Variants in MINDY2 observed in about 807,000 individuals in gnomAD.
MINDY2 encodes MINDY lysine 48 deubiquitinase 2.
In MINDY2, 52 loss-of-function variants were observed where a neutral mutation model predicts 68.2. That is an observed-to-expected ratio of 0.76 (90% CI 0.61 to 0.96). The LOEUF (loss-of-function observed/expected upper bound fraction) is 0.96, where lower values mean the gene tolerates loss of function less well. Among genes scored for constraint, MINDY2 ranks in the 40% least tolerant of loss-of-function variants. MINDY2 has a pLI of 0.00. For synonymous variants in MINDY2, 372 were observed against 303.0 expected (o/e 1.23, Z -2.36); for missense variants, 881 against 773.4 (o/e 1.14, Z -1.65).
rs2031747214 is a variant in MINDY2 at position 58,831,907 on chromosome 15, C to A, written c.1359C>A (p.Thr453=). Residue 453 remains threonine (T), a synonymous_variant, in exon 6 of 9, where the codon ACC becomes ACA. Transcript: ENST00000559228. ...FFRNNHFSTM[T]KYKGQLYLLV... ...GGAATAATCATTTTAGCACCATGAC[C>A]AAATACAAGGTATGATATAGAAATA... is the stretch of plus-strand genomic sequence containing the variant. The A allele has an allele frequency of 6.2e-7, 1 of 1,611,406 alleles. No individual in the cohort carries two copies. Among genetic ancestry groups the A allele is most frequent in the Admixed American group, 1.7e-5 (1 of 59,538 alleles).
intron 7 of MINDY2, among the ~76,000 whole-genome samples, chr15:58,850,054 A>G (rs1257516181): frequency 6.6e-6 from 1 of 152,050 alleles, no homozygotes; most frequent in East Asian, 1.9e-4. Flanking sequence ...AAAACCATTT[A>G]CCCATCCTCT....
chr15:58,810,109 T>A, intron 3 of MINDY2, 121 bp from the exon 4 acceptor site: 1 of 898,728 alleles, frequency 1.1e-6, no homozygotes, highest in South Asian at 1.8e-5. Flanking sequence ...AATAAAAATA[T>A]GTTGAATTGA....
At chr15:58,799,472 C>T (rs1902499273) in intron 2 of MINDY2, among the ~76,000 whole-genome samples, 2 of 151,300 alleles carry the variant, frequency 1.3e-5, no homozygotes, top group African/African-American at 4.9e-5. Context: ...GAGGCTGAGG[C>T]TGAGGCTGAG....
At chr15:58,785,713 G>A (rs1302137066) in intron 1 of MINDY2, among the ~76,000 whole-genome samples, 2 of 152,018 alleles carry the variant, frequency 1.3e-5, no homozygotes, top group African/African-American at 4.8e-5. Context: ...GTCTCACTCT[G>A]TCACCCAGGC....
intron 8 of MINDY2, among the ~76,000 whole-genome samples, chr15:58,853,164 G>C (rs919389589): frequency 2.6e-5 from 4 of 151,462 alleles, no homozygotes. Context: ...TATTGGCCAG[G>C]CTGGTGTCAA....
rs1900361278 is a variant in MINDY2 at position 58,771,318 on chromosome 15, C to A, written c.-78C>A. On this transcript the variant is annotated 5_prime_UTR_variant, in exon 1 of 9. Transcript: ENST00000559228. Reference sequence around the variant, plus strand: ...CGCCAGGGCGCTGTTGCTGCCAATACAGCTGTCATGGCGTCCAAGGCGCTG... The same window carrying A: ...CGCCAGGGCGCTGTTGCTGCCAATAAAGCTGTCATGGCGTCCAAGGCGCTG... 1 of 1,533,950 alleles carries A rather than the reference C, an allele frequency of 6.5e-7. No individual in the cohort carries two copies. The highest frequency in any genetic ancestry group is 8.7e-7 in the Non-Finnish European group (1 of 1,143,498).
At chr15:58,825,038 G>A (rs1426756490) in intron 5 of MINDY2, among the ~76,000 whole-genome samples, 1 of 152,104 alleles carries the variant, frequency 6.6e-6, no homozygotes, top group South Asian at 2.1e-4. Flanking sequence ...TGTTTAGCCT[G>A]CAATTGTAGC....
At chr15:58,798,983 A>C (rs1214738254) in intron 2 of MINDY2, among the ~76,000 whole-genome samples, 2 of 152,192 alleles carry the variant, frequency 1.3e-5, no homozygotes, top group Non-Finnish European at 2.9e-5. Context: ...TTTAATAAGG[A>C]AAAGGAAAAA....
At position 58,772,059 on chromosome 15, in the gene MINDY2, G is replaced by T; in HGVS notation, c.664G>T (p.Glu222Ter). 6.2e-7 allele frequency: 1 copy of T among 1,611,276 alleles called. No homozygotes were observed. Among genetic ancestry groups the T allele is most frequent in the Non-Finnish European group, 8.5e-7 (1 of 1,178,410 alleles). ...GGCTGTTCCTCTGTGCAAGGAGGAGGAGGGGGAGGAGACCGCTCAGGTGCT... is the reference window on the plus strand; with the variant it reads ...GGCTGTTCCTCTGTGCAAGGAGGAGTAGGGGGAGGAGACCGCTCAGGTGCT... ...PGAVPLCKEE[E>*]GEETAQVLAA... The change falls in exon 1 of 9, where the codon GAG becomes TAG. Residue 222 changes from glutamate to a stop codon, truncating the protein, a stop_gained. Coordinates refer to ENST00000559228, the MANE Select transcript of MINDY2 (RefSeq NM_001040450.3). LOFTEE classifies it high-confidence loss of function.
chr15:58,847,146 C>T (rs1048073724), intron 6 of MINDY2, 151 bp from the exon 7 acceptor site: 2 of 510,432 alleles, frequency 3.9e-6, no homozygotes, highest in East Asian at 6.2e-5. Flanking sequence ...AGTAAAATAT[C>T]TACTTGGTCT....
chr15:58,800,149 C>G (rs563310174), intron 2 of MINDY2, among the ~76,000 whole-genome samples: 7 of 152,160 alleles, frequency 4.6e-5, no homozygotes, highest in Admixed American at 1.3e-4. Flanking sequence ...TATGCCAAGC[C>G]CTCTCTTCCA....
At chr15:58,794,641 G>A (rs1902163948) in intron 2 of MINDY2, among the ~76,000 whole-genome samples, 3 of 152,028 alleles carry the variant, frequency 2.0e-5, no homozygotes, top group African/African-American at 7.2e-5. Flanking sequence ...GGGAGAGAAT[G>A]ACAGGAGCAA....
intron 7 of MINDY2, 22 bp from the exon 8 acceptor site, chr15:58,851,749 T>G: frequency 2.0e-6 from 3 of 1,514,858 alleles, no homozygotes; most frequent in Non-Finnish European, 2.7e-6. Context: ...TAGCTAATGA[T>G]GGTTATAATT....
Position 58,859,679 on chromosome 15 carries a change from C to A in MINDY2, c.*5069C>A, listed in dbSNP as rs1487262696. On this transcript the variant is annotated 3_prime_UTR_variant, in exon 9 of 9. Transcript: ENST00000559228. ...ATAATGGCATGGGAGAGGCCAGATG[C>A]AGGACTCTGGTAAATTTAACTTACT... 5 of 152,094 alleles carry A rather than the reference C, an allele frequency of 3.3e-5. No homozygotes were observed. The highest frequency in any genetic ancestry group is 5.9e-5 in the Non-Finnish European group (4 of 68,008). 9.4% of individuals were successfully genotyped at this position (152,094 alleles called of 1,614,324 possible). A position where few individuals can be genotyped will look rare whatever the true frequency, so the allele number is the denominator to read the frequency against.
At chr15:58,847,568 C>T (rs1453482090) in intron 7 of MINDY2, 98 bp downstream of exon 7, 1 of 998,482 alleles carries the variant, frequency 1.0e-6, no homozygotes, top group Admixed American at 2.7e-5. Flanking sequence ...ATTAATTCAT[C>T]AATATGCTTG....
At chr15:58,789,502 G>C (rs536321173) in intron 2 of MINDY2, among the ~76,000 whole-genome samples, 1 of 151,726 alleles carries the variant, frequency 6.6e-6, no homozygotes, top group Non-Finnish European at 1.5e-5. Flanking sequence ...TATTGCCCAG[G>C]CTGGAGTGCA....
At chr15:58,853,720 T>C (rs2032941865) in intron 8 of MINDY2, among the ~76,000 whole-genome samples, 1 of 150,336 alleles carries the variant, frequency 6.7e-6, no homozygotes, top group South Asian at 2.1e-4. Flanking sequence ...CTCGGGAGAC[T>C]TGAGGCAGGA....
chr15:58,771,495 A>C lies in MINDY2; in HGVS notation c.100A>C (p.Arg34=). The C allele has an allele frequency of 1.9e-6, 3 of 1,612,338 alleles. No homozygotes were observed. The highest frequency in any genetic ancestry group is 2.5e-6 in the Non-Finnish European group (3 of 1,179,762). Reference sequence around the variant, plus strand: ...TTCGCAGGAAGGGCTACAGGAGACCAGGCTCGCCGCTGGTGATGGTCCTGG... The same window carrying C: ...TTCGCAGGAAGGGCTACAGGAGACCCGGCTCGCCGCTGGTGATGGTCCTGG... ...GSSQEGLQET[R]LAAGDGPGVW... The change falls in exon 1 of 9, where the codon AGG becomes CGG. Residue 34 remains arginine, a synonymous_variant. Coordinates refer to ENST00000559228, the MANE Select transcript of MINDY2 (RefSeq NM_001040450.3).
chr15:58,786,031 T>C (rs1276862156), intron 1 of MINDY2, among the ~76,000 whole-genome samples: 1 of 152,154 alleles, frequency 6.6e-6, no homozygotes, highest in East Asian at 1.9e-4. Context: ...ATGATCAAAC[T>C]TCAAAGACAT....
Sources: allele counts gnomAD v4.1 joint callset (sites outside exome capture counted in the v4.1 genomes callset), GRCh38; gene constraint gnomAD v4.1.1; transcripts MANE v1.5; gene names NCBI Gene and HGNC (gene_info 2026-07-23, HGNC 2026-07-21).